MMP2: variants seen among roughly 807,000 people sequenced by gnomAD.
MMP2 encodes matrix metallopeptidase 2, also known as 72 kDa type IV collagenase.
MMP2 carries 39 observed loss-of-function variants against 74.8 expected under a neutral mutation model. The observed-to-expected ratio is 0.52, with a 90% CI of 0.40 to 0.68. The LOEUF (loss-of-function observed/expected upper bound fraction) is 0.68, where lower values mean the gene tolerates loss of function less well. MMP2 is among the 30% of genes least tolerant of loss of function. The probability of loss-of-function intolerance (pLI) is 0.00; values close to 1 mark genes in which losing one functional copy is unlikely to be tolerated. For missense variants in MMP2, 803 were observed against 878.3 expected (o/e 0.91, Z 1.08); for synonymous variants, 367 against 339.8 (o/e 1.08, Z -0.88).
At chr16:55,489,959 C>T in intron 7 of MMP2, 135 bp downstream of exon 7, 1 of 980,246 alleles carries the variant, frequency 1.0e-6, no homozygotes, top group Non-Finnish European at 1.5e-6. Context: ...CCCAGACCCG[C>T]CCACCTGGGC....
At chr16:55,490,907 G>T (rs1962388073) in intron 7 of MMP2, among the ~76,000 whole-genome samples, 1 of 152,156 alleles carries the variant, frequency 6.6e-6, no homozygotes, top group Non-Finnish European at 1.5e-5. Context: ...GCCACAAACT[G>T]ATGGCTTGAA....
chr16:55,489,643 C>T lies in MMP2; in HGVS notation c.1007-8C>T, dbSNP rs1234526069. On this transcript the variant is annotated splice_region_variant and splice_polypyrimidine_tract_variant and intron_variant, in intron 6 of 12. Transcript: ENST00000219070. Reference sequence around the variant, plus strand: ...GCTGCGCCTTGACCCGTATCCCTAACCCCACAGCCATGTCCACTGTTGGTG... The same window carrying T: ...GCTGCGCCTTGACCCGTATCCCTAATCCCACAGCCATGTCCACTGTTGGTG... 1 of 1,614,012 alleles carries T rather than the reference C, an allele frequency of 6.2e-7. No individual in the cohort carries two copies. The highest frequency in any genetic ancestry group is 2.2e-5 in the East Asian group (1 of 44,870).
At chr16:55,498,609 GT>G (rs1170133994) in intron 11 of MMP2, among the ~76,000 whole-genome samples, 161 bp downstream of exon 11, 2 of 152,190 alleles carry the variant, frequency 1.3e-5, no homozygotes, top group African/African-American at 4.8e-5. Flanking sequence ...CCTCTGAGAT[GT>G]TGCCAAAGGT....
At chr16:55,498,508 C>T in intron 11 of MMP2, 60 bp downstream of exon 11, 1 of 1,611,558 alleles carries the variant, frequency 6.2e-7, no homozygotes, top group Non-Finnish European at 8.5e-7. Flanking sequence ...AGAGAAGCCG[C>T]CCTGAGGCTT....
chr16:55,483,943 A>G, intron 2 of MMP2, 73 bp from the exon 3 acceptor site: 1 of 1,518,226 alleles, frequency 6.6e-7, no homozygotes, highest in Non-Finnish European at 9.1e-7. Flanking sequence ...ACATCTGTGC[A>G]CACACACATA....
In MMP2 at chr16:55,498,382, T is replaced by C; in HGVS notation, c.1703T>C (p.Val568Ala). The change falls in exon 11 of 13, where the codon GTG becomes GCG. Residue 568 changes from valine to alanine, a missense_variant. Physicochemically the swap from Val to Ala is moderately conservative, Grantham distance 64. Around this residue, in one of 3 missense-constraint regions of MMP2, gnomAD observed 555 missense variants for 592.0 expected, o/e 0.94. Coordinates refer to ENST00000219070, the MANE Select transcript of MMP2 (RefSeq NM_004530.6). ...GGACTGCCCCCTGATGTCCAGCGAG[T>C]GGATGCCGCCTTTAACTGGAGCAAA... ...SLGLPPDVQR[V>A]DAAFNWSKNK... is the part of the protein sequence containing the mutation. 6.2e-7 allele frequency: 1 copy of C among 1,614,130 alleles called. No individual in the cohort carries two copies. The highest frequency in any genetic ancestry group is 8.5e-7 in the Non-Finnish European group (1 of 1,180,020).
chr16:55,479,421 C>T lies in MMP2; in HGVS notation c.-59C>T. The T allele has an allele frequency of 7.1e-7, 1 of 1,404,258 alleles. No homozygotes were observed. The highest frequency in any genetic ancestry group is 9.2e-7 in the Non-Finnish European group (1 of 1,087,394). The allele number at this position is 1,404,258 out of a possible 1,614,324, so 87.0% of individuals were successfully genotyped here. On this transcript the variant is annotated 5_prime_UTR_variant, in exon 1 of 13. Transcript: ENST00000219070. ...AGCAGGCTCCAACCAGGCGGCGAGG[C>T]GGCCACACGCACCGAGCCAGCGACC...
chr16:55,495,749 G>A (rs1355408781), intron 9 of MMP2, among the ~76,000 whole-genome samples: 1 of 152,152 alleles, frequency 6.6e-6, no homozygotes, highest in Non-Finnish European at 1.5e-5. Context: ...CAAAGTCCAG[G>A]GGTAGAGCTG....
chr16:55,504,091 A>G (rs1162073444), intron 12 of MMP2, among the ~76,000 whole-genome samples: 3 of 152,144 alleles, frequency 2.0e-5, no homozygotes, highest in Admixed American at 6.5e-5. Context: ...CCAGGAGTTT[A>G]AGGCTGCAGT....
At position 55,505,604 on chromosome 16, in the gene MMP2, C is replaced by A; in HGVS notation, c.*162C>A. 1.5e-6 allele frequency: 1 copy of A among 681,934 alleles called. No homozygotes were observed. Among genetic ancestry groups the A allele is most frequent in the Non-Finnish European group, 2.6e-6 (1 of 381,592 alleles). 42.2% of individuals were successfully genotyped at this position (681,934 alleles called of 1,614,324 possible). A position where few individuals can be genotyped will look rare whatever the true frequency, so the allele number is the denominator to read the frequency against. On this transcript the variant is annotated 3_prime_UTR_variant, in exon 13 of 13. Coordinates refer to ENST00000219070, the MANE Select transcript of MMP2 (RefSeq NM_004530.6). ...GGTAATTTAAGATTCCAGAGAGTGG[C>A]TCCTCCCGGTGCCCAAGAATAGATG... is the stretch of plus-strand genomic sequence containing the variant.
intron 7 of MMP2, among the ~76,000 whole-genome samples, chr16:55,490,484 A>G (rs1596817012): frequency 6.6e-6 from 1 of 152,140 alleles, no homozygotes; most frequent in Non-Finnish European, 1.5e-5. Flanking sequence ...GAGAGTGACC[A>G]GGAGACAGCT....
chr16:55,483,537 C>A (rs112958299), intron 2 of MMP2, among the ~76,000 whole-genome samples: 1 of 152,036 alleles, frequency 6.6e-6, no homozygotes, highest in Non-Finnish European at 1.5e-5. Flanking sequence ...GCAGAAGGAA[C>A]GTGATGATTG....
chr16:55,479,936 A>T, intron 1 of MMP2: 1 of 270,494 alleles, frequency 3.7e-6, no homozygotes, highest in Non-Finnish European at 6.7e-6. Context: ...AGGGACTCTT[A>T]TGTAAATAGC....
chr16:55,502,721 A>AC, intron 11 of MMP2, 58 bp from the exon 12 acceptor site: 1 of 1,489,514 alleles, frequency 6.7e-7, no homozygotes, highest in African/African-American at 1.4e-5. Context: ...CATCCAGGCC[A>AC]GGGGGGAAGT....
chr16:55,495,276 C>T (rs557747852), intron 9 of MMP2, among the ~76,000 whole-genome samples: 56 of 152,344 alleles, frequency 3.7e-4, no homozygotes, highest in African/African-American at 1.3e-3. Flanking sequence ...GCCCTGACCA[C>T]ACATGCAGAT....
At chr16:55,503,970 T>C (rs1311351616) in intron 12 of MMP2, among the ~76,000 whole-genome samples, 4 of 152,124 alleles carry the variant, frequency 2.6e-5, no homozygotes, top group African/African-American at 9.7e-5. Flanking sequence ...CTGGGCAACA[T>C]AGTGAGACTC....
At chr16:55,486,324 T>C (rs898760252) in intron 5 of MMP2, among the ~76,000 whole-genome samples, 1 of 46,548 alleles carries the variant, frequency 2.1e-5, no homozygotes, top group African/African-American at 6.6e-5. Flanking sequence ...TGCTAATGCG[T>C]GTGTGTGTGT....
chr16:55,484,204 C>G (rs1326040733), intron 3 of MMP2, 40 bp downstream of exon 3: 3 of 1,606,140 alleles, frequency 1.9e-6, no homozygotes, highest in East Asian at 2.2e-5. Context: ...CAGCAGGGAT[C>G]AGTGTTGAGA....
intron 10 of MMP2, among the ~76,000 whole-genome samples, chr16:55,497,953 G>A (rs530493958): frequency 5.9e-5 from 9 of 152,294 alleles, no homozygotes; most frequent in East Asian, 1.9e-4. Flanking sequence ...CATGGGTCCC[G>A]GAGAGGACAA....
Sources: allele counts gnomAD v4.1 joint callset (sites outside exome capture counted in the v4.1 genomes callset), GRCh38; gene constraint gnomAD v4.1.1; regional missense constraint gnomAD v4.1.1; transcripts MANE v1.5; gene names NCBI Gene and HGNC (gene_info 2026-07-23, HGNC 2026-07-21).